Variants in ERBIN observed in about 807,000 individuals in gnomAD.
ERBIN encodes the protein erbb2 interacting protein, also known as densin-180-like protein.
In ERBIN, 60 loss-of-function variants were observed where a neutral mutation model predicts 158.4. The ratio of observed to expected loss-of-function variants is 0.38; its 90% confidence interval spans 0.31 to 0.47. The LOEUF (loss-of-function observed/expected upper bound fraction) is 0.47. ERBIN is among the 20% of genes least tolerant of loss of function. The pLI, the probability that ERBIN is intolerant of heterozygous loss-of-function variation, is 0.99. For synonymous variants in ERBIN, 594 were observed against 557.2 expected (o/e 1.07, Z -0.93); for missense variants, 1,610 against 1,648.0 (o/e 0.98, Z 0.40).
intron 14 of ERBIN, among the ~76,000 whole-genome samples, chr5:66,032,553 A>G (rs747286640): frequency 6.6e-5 from 10 of 152,218 alleles, no homozygotes; most frequent in Admixed American, 3.3e-4. Context: ...AGTGATTTTT[A>G]TGATAGATAA....
chr5:65,997,948 A>AC (rs1561351809), intron 4 of ERBIN, among the ~76,000 whole-genome samples: 6 of 152,112 alleles, frequency 3.9e-5, no homozygotes, highest in African/African-American at 1.4e-4. Flanking sequence ...ACACACACAC[A>AC]AAGTTATGTT....
rs1303596601 is a variant in ERBIN, at chr5:65,926,664, CTCT to C, written c.-193_-191del. On this transcript the variant is annotated 5_prime_UTR_variant, in exon 1 of 26. Transcript: ENST00000284037. ...CCCCAACCCCCACCAAAGCCACCTA[CTCT>C]TCTTCTGTGGGAGGCCAGTCCACAT... 2.0e-5 allele frequency: 3 copies of C among 151,928 alleles called. No homozygotes were observed. The highest frequency in any genetic ancestry group is 2.9e-5 in the Non-Finnish European group (2 of 67,998). The allele number at this position is 151,928 out of a possible 1,614,324, so 9.4% of individuals were successfully genotyped here.
Position 66,043,143 on chromosome 5 carries a change from C to T in ERBIN, c.1373C>T (p.Ala458Val), listed in dbSNP as rs199863503. ...SLWEEQRKQR[A>V]QVAFECDEDK... The stretch of plus-strand genomic sequence containing the variant: ...TGGGAGGAACAGAGGAAACAGCGGG[C>T]TCAAGTTGCATTTGAATGTGATGAA... The change falls in exon 16 of 26, where the codon GCT becomes GTT. Residue 458 changes from alanine (A) to valine (V), a missense_variant. Physicochemically the swap from Ala to Val is moderately conservative, Grantham distance 64. Transcript: ENST00000284037. The T allele has an allele frequency of 4.3e-5, 69 of 1,613,024 alleles. No individual in the cohort carries two copies. The highest frequency in any genetic ancestry group is 1.3e-5 in the African/African-American group (1 of 74,880).
chr5:66,006,827 A>C (rs1445528811), intron 4 of ERBIN, among the ~76,000 whole-genome samples: 1 of 152,114 alleles, frequency 6.6e-6, no homozygotes, highest in Non-Finnish European at 1.5e-5. Flanking sequence ...ATGCAAATCA[A>C]AACCACAATG....
In ERBIN at chr5:66,038,493, C is replaced by G; in HGVS notation, c.1306+11C>G. The G allele has an allele frequency of 4.5e-6, 7 of 1,566,110 alleles. No homozygotes were observed. The highest frequency in any genetic ancestry group is 6.1e-6 in the Non-Finnish European group (7 of 1,146,798). ...CAAGGACTGAGGATGGTAGGAATTT[C>G]ATAATCGATTTTCTTGTTAAAAACA... On this transcript the variant is annotated intron_variant, in intron 15 of 25. Coordinates refer to ENST00000284037, the MANE Select transcript of ERBIN (RefSeq NM_001253697.2).
intron 14 of ERBIN, among the ~76,000 whole-genome samples, chr5:66,032,278 C>G (rs1411611655): frequency 6.6e-6 from 1 of 152,120 alleles, no homozygotes; most frequent in Non-Finnish European, 1.5e-5. Context: ...ATCTTGTACT[C>G]TTATCAATTA....
intron 1 of ERBIN, among the ~76,000 whole-genome samples, chr5:65,933,553 A>G (rs921937416): frequency 2.6e-5 from 4 of 152,118 alleles, no homozygotes; most frequent in Admixed American, 1.3e-4. Flanking sequence ...GTGTTTTACT[A>G]TGGTTTTGCT....
intron 7 of ERBIN, 37 bp downstream of exon 7, chr5:66,014,762 A>AAT: frequency 9.9e-7 from 1 of 1,005,826 alleles, no homozygotes; most frequent in Non-Finnish European, 1.4e-6. Flanking sequence ...AACTTAATTT[A>AAT]TAATTTTTAA....
intron 23 of ERBIN, among the ~76,000 whole-genome samples, chr5:66,075,610 GTATT>G (rs1442728335): frequency 7.2e-5 from 11 of 152,168 alleles, no homozygotes; most frequent in African/African-American, 2.4e-4. Context: ...ACTACTTTGA[GTATT>G]TAATCTTAAA....
chr5:66,046,729 G>T (rs1457358216), intron 18 of ERBIN, among the ~76,000 whole-genome samples, 191 bp downstream of exon 18: 1 of 152,106 alleles, frequency 6.6e-6, no homozygotes, highest in Admixed American at 6.6e-5. Flanking sequence ...TTTGTATTCA[G>T]ATGTTTATGC....
chr5:65,948,794 C>T (rs993977490), intron 1 of ERBIN, among the ~76,000 whole-genome samples: 4 of 115,232 alleles, frequency 3.5e-5, no homozygotes, highest in South Asian at 3.1e-4. Flanking sequence ...GACAGAGTCT[C>T]CCTCTGTCAC....
chr5:65,965,379 G>GTTTTTTTTTTTTTTTTTTTTTTTTTTTTT (rs1561304820), intron 1 of ERBIN, among the ~76,000 whole-genome samples: 2 of 103,652 alleles, frequency 1.9e-5, no homozygotes, highest in Admixed American at 2.4e-4. Context: ...TTTGTTTTTT[G>GTTTTTTTTTTTTTTTTTTTTTTTTTTTTT]TTGTTTTTTT....
In ERBIN at chr5:66,054,956, T is replaced by C; in HGVS notation, c.3633+5T>C. 1 of 1,558,144 alleles carries C rather than the reference T, an allele frequency of 6.4e-7. No homozygotes were observed. On this transcript the variant is annotated splice_donor_5th_base_variant and intron_variant, in intron 21 of 25. Transcript: ENST00000284037. ...GAAGCCAAAAAGTTAGAAAAGGTAA[T>C]TGAACATGAGTTTTTCATTATTTTC...
chr5:66,026,032 C>G (rs1756205751), intron 12 of ERBIN, 55 bp downstream of exon 12: 1 of 1,408,692 alleles, frequency 7.1e-7, no homozygotes, highest in Non-Finnish European at 9.6e-7. Flanking sequence ...TTCTGATTAT[C>G]TTCATTATAG....
intron 17 of ERBIN, among the ~76,000 whole-genome samples, chr5:66,044,978 G>C (rs1758283512): frequency 6.6e-6 from 1 of 152,038 alleles, no homozygotes; most frequent in Non-Finnish European, 1.5e-5. Flanking sequence ...TATTTGGGAG[G>C]CTTAAGCAGG....
chr5:66,010,336 C>G (rs1355156301), intron 4 of ERBIN, among the ~76,000 whole-genome samples: 1 of 151,588 alleles, frequency 6.6e-6, no homozygotes, highest in Non-Finnish European at 1.5e-5. Context: ...GAGTACATCT[C>G]AGATTAGTTG....
At chr5:65,989,152 TC>T (rs1418013752) in intron 2 of ERBIN, among the ~76,000 whole-genome samples, 7 of 152,214 alleles carry the variant, frequency 4.6e-5, no homozygotes, top group African/African-American at 1.7e-4. Flanking sequence ...CCCATGTTGA[TC>T]AATTCAGTTC....
chr5:65,958,122 C>T (rs962839871), intron 1 of ERBIN, among the ~76,000 whole-genome samples: 3 of 151,704 alleles, frequency 2.0e-5, no homozygotes, highest in East Asian at 3.9e-4. Flanking sequence ...AAGAGGCGCT[C>T]CTCACTTCCC....
chr5:66,069,107 A>T (rs1398157505), intron 21 of ERBIN: 5 of 1,256,018 alleles, frequency 4.0e-6, no homozygotes, highest in Non-Finnish European at 5.2e-6. Flanking sequence ...AGGAAAAAAA[A>T]TGTTTACTCT....
Sources: allele counts gnomAD v4.1 joint callset (sites outside exome capture counted in the v4.1 genomes callset), GRCh38; gene constraint gnomAD v4.1.1; transcripts MANE v1.5; gene names NCBI Gene and HGNC (gene_info 2026-07-23, HGNC 2026-07-21).